ERC2: variants seen among roughly 807,000 people sequenced by gnomAD.
ERC2 encodes the protein ELKS/RAB6-interacting/CAST family member 2, also known as ERC protein 2.
A neutral mutation model predicts 114.8 loss-of-function variants in ERC2; 42 were observed. The observed-to-expected ratio is 0.37, with a 90% CI of 0.29 to 0.47. ERC2 has a LOEUF of 0.47. ERC2 is among the 20% of genes least tolerant of loss of function. The pLI is 0.99. For missense variants in ERC2, 939 were observed against 1,150.7 expected, an observed-to-expected ratio of 0.82 and a Z score of 2.66; for synonymous variants, 454 against 425.5, an observed-to-expected ratio of 1.07 and a Z score of -0.82.
intron 17 of ERC2, among the ~76,000 whole-genome samples, chr3:55,534,228 G>C (rs1245366185): frequency 6.6e-6 from 1 of 152,130 alleles, no homozygotes; most frequent in African/African-American, 2.4e-5. Context: ...AGACCAGCCT[G>C]AGCAACATAA....
intron 15 of ERC2, among the ~76,000 whole-genome samples, chr3:55,705,719 GC>G (rs1197750007): frequency 6.6e-6 from 1 of 152,022 alleles, no homozygotes; most frequent in African/African-American, 2.4e-5. Context: ...CTCCTCTATA[GC>G]AGAACAGAAC....
chr3:55,683,937 C>A, intron 16 of ERC2, 78 bp from the exon 17 acceptor site: 1 of 1,492,726 alleles, frequency 6.7e-7, no homozygotes, highest in South Asian at 1.2e-5. Context: ...TTAGTTACAC[C>A]GAGATGCACT....
intron 7 of ERC2, among the ~76,000 whole-genome samples, chr3:56,027,846 T>C: frequency 6.6e-6 from 1 of 152,206 alleles, no homozygotes; most frequent in East Asian, 1.9e-4. Context: ...ATACTTTTGA[T>C]GTCACTTTCA....
intron 16 of ERC2, among the ~76,000 whole-genome samples, chr3:55,696,873 C>T (rs2062960372): frequency 1.3e-5 from 2 of 152,124 alleles, no homozygotes; most frequent in Admixed American, 1.3e-4. Flanking sequence ...CTTAATCTCT[C>T]CTTCTCTAAT....
In ERC2 at chr3:55,745,984, T is replaced by C. The variant is rs575590023; in HGVS notation, c.2565-11066A>G. 1.4e-4 allele frequency among the ~76,000 whole-genome samples: 21 copies of C among 152,380 alleles called. No individual in the cohort carries two copies. In the South Asian group the frequency reaches 4.3e-3, roughly 32 times the overall value. On this transcript the variant is annotated intron_variant, in intron 14 of 17. Coordinates refer to ENST00000288221, the MANE Select transcript of ERC2 (RefSeq NM_015576.3). ...CTGCTAATATTTATTTCTCAGTCTTTGCACAGAGCAGCAAATTGTCCGCCT... is the reference window on the plus strand; with the variant it reads ...CTGCTAATATTTATTTCTCAGTCTTCGCACAGAGCAGCAAATTGTCCGCCT...
intron 17 of ERC2, among the ~76,000 whole-genome samples, chr3:55,611,815 C>T (rs2058920342): frequency 6.6e-6 from 1 of 152,178 alleles, no homozygotes; most frequent in East Asian, 1.9e-4. Flanking sequence ...TTCTTTTAGG[C>T]ATTTTGTTTT....
At chr3:55,907,835 C>T (rs1044012766) in intron 13 of ERC2, among the ~76,000 whole-genome samples, 5 of 152,222 alleles carry the variant, frequency 3.3e-5, no homozygotes, top group Non-Finnish European at 7.3e-5. Flanking sequence ...ACACTCAGCC[C>T]TGTGCCTAGC....
intron 15 of ERC2, among the ~76,000 whole-genome samples, chr3:55,729,992 A>G (rs923448958): frequency 1.5e-4 from 23 of 152,154 alleles, no homozygotes; most frequent in African/African-American, 5.1e-4. Flanking sequence ...TGGCAAACAT[A>G]GCACTTGGTC....
intron 2 of ERC2, among the ~76,000 whole-genome samples, chr3:56,345,634 A>C (rs2058276561): frequency 6.6e-6 from 1 of 152,212 alleles, no homozygotes. Context: ...GACAACAATG[A>C]TACCAGTAAA....
At chr3:56,368,790 T>C (rs2059250540) in intron 2 of ERC2, among the ~76,000 whole-genome samples, 1 of 152,056 alleles carries the variant, frequency 6.6e-6, no homozygotes, top group African/African-American at 2.4e-5. Flanking sequence ...ATAGCATCTT[T>C]ATAATCTTCT....
chr3:56,079,653 G>A (rs2077135813), intron 7 of ERC2, among the ~76,000 whole-genome samples: 1 of 152,090 alleles, frequency 6.6e-6, no homozygotes, highest in South Asian at 2.1e-4. Flanking sequence ...CCTATGCTTG[G>A]TTTAAGGCTC....
intron 12 of ERC2, among the ~76,000 whole-genome samples, chr3:55,985,414 A>G (rs778261674): frequency 1.3e-4 from 20 of 152,254 alleles, no homozygotes; most frequent in Non-Finnish European, 2.5e-4. Flanking sequence ...GTTAAAACCA[A>G]AACAATGTCA....
At chr3:56,198,081 C>T (rs1028936343) in intron 3 of ERC2, among the ~76,000 whole-genome samples, 3 of 151,994 alleles carry the variant, frequency 2.0e-5, no homozygotes, top group Non-Finnish European at 4.4e-5. Flanking sequence ...CAAAAAGAGG[C>T]CAGAGGAGAC....
At chr3:56,181,177 A>G (rs1331566846) in intron 3 of ERC2, among the ~76,000 whole-genome samples, 2 of 152,216 alleles carry the variant, frequency 1.3e-5, no homozygotes, top group Non-Finnish European at 2.9e-5. Context: ...ACCTCTCAGT[A>G]CATGGAGGCG....
intron 16 of ERC2, among the ~76,000 whole-genome samples, chr3:55,691,573 A>AATATATAAATATATATATATAT (rs2062664757): frequency 2.5e-5 from 1 of 39,742 alleles, no homozygotes; most frequent in Non-Finnish European, 4.6e-5. Flanking sequence ...AAAAAAAAAA[A>AATATATAAATATATATATATAT]ATATATATAT....
chr3:56,069,157 T>C (rs987906710), intron 7 of ERC2, among the ~76,000 whole-genome samples: 1 of 152,206 alleles, frequency 6.6e-6, no homozygotes, highest in African/African-American at 2.4e-5. Flanking sequence ...TCTCCCACTA[T>C]TATTGTGTGG....
intron 3 of ERC2, among the ~76,000 whole-genome samples, chr3:56,189,015 C>A (rs2083815742): frequency 6.6e-6 from 1 of 152,104 alleles, no homozygotes; most frequent in Non-Finnish European, 1.5e-5. Flanking sequence ...TAACCCACAC[C>A]CCAAACTTAG....
chr3:55,952,855 A>C (rs13071068), intron 12 of ERC2, among the ~76,000 whole-genome samples: 41,512 of 151,948 alleles, frequency 0.27, 5,904 homozygotes, highest in Admixed American at 0.34. Flanking sequence ...CCAAAGAAAA[A>C]AGCATATTCT....
intron 17 of ERC2, among the ~76,000 whole-genome samples, chr3:55,524,348 A>G (rs1301808274): frequency 6.6e-6 from 1 of 152,178 alleles, no homozygotes; most frequent in Non-Finnish European, 1.5e-5. Flanking sequence ...AGGAAGGAAC[A>G]GTGGTAGAAG....
Sources: gnomAD v4.1 joint callset for allele counts (sites outside exome capture counted in the v4.1 genomes callset) on GRCh38, gnomAD v4.1.1 for gene constraint, MANE v1.5 for transcripts, NCBI Gene and HGNC (gene_info 2026-07-23, HGNC 2026-07-21) for gene names.